Variants in LRMDA observed in about 807,000 individuals in gnomAD.
LRMDA encodes the protein leucine rich melanocyte differentiation associated.
Under a neutral mutation model 29.8 loss-of-function variants are expected in LRMDA, and 18 were observed. The observed-to-expected ratio is 0.60, with a 90% CI of 0.42 to 0.90. The LOEUF is 0.90. Among genes scored for constraint, LRMDA ranks in the 40% least tolerant of loss-of-function variants. LRMDA has a pLI of 0.00. For synonymous variants in LRMDA, 125 were observed against 109.4 expected (o/e 1.14, Z -0.89); for missense variants, 273 against 273.9 (o/e 1.00, Z 0.02).
At chr10:76,159,654 G>T (rs1850608269) in intron 5 of LRMDA, among the ~76,000 whole-genome samples, 1 of 152,102 alleles carries the variant, frequency 6.6e-6, no homozygotes, top group African/African-American at 2.4e-5. Context: ...GTAGGTGGAT[G>T]GGAAATAAAC....
intron 2 of LRMDA, among the ~76,000 whole-genome samples, chr10:75,936,735 C>G (rs1846301644): frequency 6.6e-6 from 1 of 152,178 alleles, no homozygotes; most frequent in African/African-American, 2.4e-5. Flanking sequence ...AACAAAATCT[C>G]TCTGAGGTCT....
At chr10:76,298,624 G>C (rs1258771363) in intron 5 of LRMDA, among the ~76,000 whole-genome samples, 2 of 152,166 alleles carry the variant, frequency 1.3e-5, no homozygotes, top group African/African-American at 2.4e-5. Context: ...GCCTGGGGTA[G>C]CCAAAGAGAT....
In LRMDA at chr10:75,516,828, T is replaced by G. The variant is rs547545257; in HGVS notation, c.131+78334T>G. On this transcript the variant is annotated intron_variant, in intron 2 of 6. Transcript: ENST00000611255. ...AGATTTTCTTCTAGGGTTTTATGGTTTTAGGTCTAACATTTAAGTCATCAA... is the reference window on the plus strand; with the variant it reads ...AGATTTTCTTCTAGGGTTTTATGGTGTTAGGTCTAACATTTAAGTCATCAA... 2.6e-3 allele frequency among the ~76,000 whole-genome samples: 392 copies of G among 152,254 alleles called. 3 individuals are homozygous for G. The highest frequency in any genetic ancestry group is 4.6e-3 in the Non-Finnish European group (313 of 68,024).
intron 6 of LRMDA, among the ~76,000 whole-genome samples, chr10:76,512,276 T>A (rs1325463818): frequency 6.6e-6 from 1 of 152,232 alleles, no homozygotes; most frequent in African/African-American, 2.4e-5. Context: ...ATCGGGTATG[T>A]CTTTATCAGC....
intron 2 of LRMDA, among the ~76,000 whole-genome samples, chr10:75,618,390 A>C (rs902420931): frequency 0.014 from 1,966 of 137,850 alleles, 42 homozygotes; most frequent in African/African-American, 0.048. Context: ...CTCTATATAT[A>C]TATATATATA....
rs1843573090 is a variant in LRMDA, at chr10:76,557,468, C to T, written c.*180C>T. ...CAGGCCTGTCAAGATGATCCTTCTG[C>T]CTTAGACTGAGTGGTCACATAGAGA... is the stretch of plus-strand genomic sequence containing the variant. On this transcript the variant is annotated 3_prime_UTR_variant, in exon 7 of 7. Coordinates refer to ENST00000611255, the MANE Select transcript of LRMDA (RefSeq NM_001305581.2). The T allele has an allele frequency of 1.6e-6, 1 of 616,636 alleles. No individual in the cohort carries two copies. The highest frequency in any genetic ancestry group is 2.9e-6 in the Non-Finnish European group (1 of 349,678). 38.2% of individuals were successfully genotyped at this position (616,636 alleles called of 1,614,324 possible).
chr10:75,897,189 A>C (rs1410534416), intron 2 of LRMDA, among the ~76,000 whole-genome samples: 3 of 152,198 alleles, frequency 2.0e-5, no homozygotes, highest in Non-Finnish European at 4.4e-5. Context: ...TAATAAGTTT[A>C]AATATGCCTC....
At chr10:75,671,087 A>G (rs1841885658) in intron 2 of LRMDA, among the ~76,000 whole-genome samples, 1 of 152,148 alleles carries the variant, frequency 6.6e-6, no homozygotes, top group Non-Finnish European at 1.5e-5. Flanking sequence ...GAGGTTTTAT[A>G]GAGTTTCTAG....
At chr10:75,914,263 G>A (rs1280763089) in intron 2 of LRMDA, among the ~76,000 whole-genome samples, 1 of 152,186 alleles carries the variant, frequency 6.6e-6, no homozygotes, top group African/African-American at 2.4e-5. Flanking sequence ...TTGCTCCTTA[G>A]CTTCCAGCTG....
At chr10:75,692,416 T>C (rs1842177735) in intron 2 of LRMDA, among the ~76,000 whole-genome samples, 1 of 145,422 alleles carries the variant, frequency 6.9e-6, no homozygotes, top group Non-Finnish European at 1.5e-5. Flanking sequence ...TATACACATA[T>C]ATGCATATAT....
intron 5 of LRMDA, among the ~76,000 whole-genome samples, chr10:76,233,501 CATTG>C (rs1852097467): frequency 1.3e-5 from 2 of 152,134 alleles, no homozygotes; most frequent in Middle Eastern, 3.2e-3. Flanking sequence ...AGGTTTGCCA[CATTG>C]ATTGACTCAC....
intron 2 of LRMDA, among the ~76,000 whole-genome samples, chr10:75,557,330 A>AT (rs1308955613): frequency 2.0e-5 from 3 of 151,496 alleles, no homozygotes; most frequent in Admixed American, 2.0e-4. Flanking sequence ...AAAAAAAAAA[A>AT]AGTAAAATGG....
chr10:75,492,517 A>G (rs1011647042), intron 2 of LRMDA, among the ~76,000 whole-genome samples: 23 of 152,230 alleles, frequency 1.5e-4, no homozygotes, highest in African/African-American at 5.3e-4. Flanking sequence ...TGGGGAATAT[A>G]TTTTTGCTTA....
intron 2 of LRMDA, among the ~76,000 whole-genome samples, chr10:76,024,532 G>T (rs759934141): frequency 6.6e-6 from 1 of 152,222 alleles, no homozygotes; most frequent in Non-Finnish European, 1.5e-5. Flanking sequence ...GAGACATAAA[G>T]CTATCTTGTA....
intron 2 of LRMDA, among the ~76,000 whole-genome samples, chr10:75,992,922 C>G (rs976248256): frequency 6.6e-6 from 1 of 151,144 alleles, no homozygotes; most frequent in Non-Finnish European, 1.5e-5. Context: ...TTTAAATATT[C>G]AGGTTACAGG....
chr10:75,891,561 T>C (rs1351043400), intron 2 of LRMDA, among the ~76,000 whole-genome samples: 2 of 152,124 alleles, frequency 1.3e-5, no homozygotes, highest in Non-Finnish European at 2.9e-5. Flanking sequence ...GGCTGGGTCA[T>C]GGGTGACCTC....
chr10:76,548,600 A>G (rs1324482077), intron 6 of LRMDA, among the ~76,000 whole-genome samples: 4 of 152,146 alleles, frequency 2.6e-5, no homozygotes, highest in Admixed American at 1.3e-4. Context: ...TATTTATAAT[A>G]CATTTCTGTT....
At chr10:75,587,323 G>A (rs764299637) in intron 2 of LRMDA, among the ~76,000 whole-genome samples, 10 of 151,844 alleles carry the variant, frequency 6.6e-5, no homozygotes, top group African/African-American at 2.4e-4. Flanking sequence ...CCAGGGTTGC[G>A]TTTTTTTGTT....
intron 2 of LRMDA, among the ~76,000 whole-genome samples, chr10:75,528,832 T>C (rs74147107): frequency 1.3e-5 from 2 of 152,214 alleles, no homozygotes; most frequent in African/African-American, 4.8e-5. Flanking sequence ...ATTAATATCC[T>C]TGGAGAGATA....
Sources: allele counts gnomAD v4.1 joint callset (sites outside exome capture counted in the v4.1 genomes callset), GRCh38; gene constraint gnomAD v4.1.1; transcripts MANE v1.5; gene names NCBI Gene and HGNC (gene_info 2026-07-23, HGNC 2026-07-21).